Variants in WDR27 observed in about 807,000 individuals in gnomAD.
The protein encoded by WDR27 is WD repeat domain 27.
Under a neutral mutation model 114.4 loss-of-function variants are expected in WDR27, and 100 were observed. That is an observed-to-expected ratio of 0.87 (90% CI 0.74 to 1.03). The LOEUF (loss-of-function observed/expected upper bound fraction) is 1.03, where lower values mean the gene tolerates loss of function less well. WDR27 is among the 50% of genes least tolerant of loss of function. WDR27 has a pLI of 0.00. For synonymous variants in WDR27, 449 were observed against 423.1 expected, an observed-to-expected ratio of 1.06 and a Z score of -0.75; for missense variants, 1,129 against 1,092.9, an observed-to-expected ratio of 1.03 and a Z score of -0.47.
At chr6:169,554,059 C>T (rs144424366) in intron 25 of WDR27, among the ~76,000 whole-genome samples, 42 of 152,278 alleles carry the variant, frequency 2.8e-4, no homozygotes, top group African/African-American at 8.4e-4. Flanking sequence ...GCTACAATTT[C>T]GCATGGACAG....
chr6:169,427,333 C>T, the WDR27 span, among the ~76,000 whole-genome samples: 1 of 152,158 alleles, frequency 6.6e-6, no homozygotes, highest in African/African-American at 2.4e-5. Flanking sequence ...GATGACTGGG[C>T]TGAGAGACAG....
chr6:169,555,398 C>T (rs981702486), intron 25 of WDR27, among the ~76,000 whole-genome samples: 5 of 152,042 alleles, frequency 3.3e-5, no homozygotes, highest in Admixed American at 3.3e-4. Context: ...ACCAGTGCAC[C>T]AGAGAAGGAT....
intron 5 of WDR27, chr6:169,667,421 G>A (rs1417186145): frequency 1.3e-5 from 16 of 1,226,942 alleles, no homozygotes; most frequent in Non-Finnish European, 1.6e-5. Flanking sequence ...TGGATTTGAA[G>A]AATTGGAAAC....
rs1785478828 is a variant in WDR27 at position 169,465,582 on chromosome 6, A to G, written c.2646-7948T>C. 2.0e-5 allele frequency among the ~76,000 whole-genome samples: 3 copies of G among 152,158 alleles called. No individual in the cohort carries two copies. The South Asian group carries it at 6.2e-4, about 32-fold the overall frequency. On this transcript the variant is annotated intron_variant, in intron 25 of 25. Transcript: ENST00000448612. ...GAACTGAACGTAGGGTCTCTAGGAG[A>G]TATTTCTACACTTATGTTTATAGCA...
intron 6 of WDR27, chr6:169,666,840 C>T: frequency 7.1e-6 from 7 of 985,486 alleles, no homozygotes; most frequent in Non-Finnish European, 8.4e-6. Context: ...GAGCAGAAGG[C>T]TCAACTTCCC....
intron 21 of WDR27, among the ~76,000 whole-genome samples, chr6:169,625,772 G>C (rs968788771): frequency 1.3e-5 from 2 of 152,206 alleles, no homozygotes; most frequent in Admixed American, 6.5e-5. Context: ...GGGGCTCTGG[G>C]GGGGATGAGG....
intron 14 of WDR27, among the ~76,000 whole-genome samples, chr6:169,649,790 A>G (rs1419093002): frequency 1.4e-5 from 2 of 143,888 alleles, no homozygotes; most frequent in African/African-American, 5.2e-5. Flanking sequence ...GCACACATCC[A>G]TCTCTCATCT....
intron 15 of WDR27, among the ~76,000 whole-genome samples, 174 bp from the exon 16 acceptor site, chr6:169,648,044 A>T (rs910216430): frequency 3.3e-5 from 5 of 152,216 alleles, no homozygotes; most frequent in African/African-American, 1.2e-4. Flanking sequence ...CAAAATCAGG[A>T]AATAACTCTT....
intron 5 of WDR27, 83 bp downstream of exon 5, chr6:169,667,899 G>T (rs545895923): frequency 2.1e-4 from 289 of 1,352,884 alleles, no homozygotes; most frequent in Admixed American, 3.9e-4. Context: ...CCGTGGCCGT[G>T]AAGCAACCGC....
At chr6:169,465,632 T>C (rs1251902312) in intron 25 of WDR27, among the ~76,000 whole-genome samples, 2 of 152,152 alleles carry the variant, frequency 1.3e-5, no homozygotes, top group African/African-American at 2.4e-5. Flanking sequence ...AGCTAAAACA[T>C]GGAGGCAATC....
chr6:169,634,471 T>G lies in WDR27; in HGVS notation c.2058A>C (p.Ala686=). 6.2e-7 allele frequency: 1 copy of G among 1,613,442 alleles called. No homozygotes were observed. Reference sequence around the variant, plus strand: ...CTGCCGATAAACTGGTCATGTCTACTGCACCCGTCGTGGAGAGCCTGCAAA... The same window carrying G: ...CTGCCGATAAACTGGTCATGTCTACGGCACCCGTCGTGGAGAGCCTGCAAA... The part of the protein sequence containing the change: ...KLICRLSTTG[A]VDMTSLSAVN... Residue 686 remains alanine, a synonymous_variant, in exon 20 of 26, where the codon GCA becomes GCC. Transcript: ENST00000448612.
chr6:169,598,110 ATAGCTAGTGC>A (rs1807208883), intron 23 of WDR27, among the ~76,000 whole-genome samples: 3 of 152,188 alleles, frequency 2.0e-5, no homozygotes, highest in Non-Finnish European at 4.4e-5. Flanking sequence ...CTATTCCATC[ATAGCTAGTGC>A]TGAACCTGAA....
At chr6:169,488,946 C>CTTTT (rs35035417) in intron 25 of WDR27, among the ~76,000 whole-genome samples, 6 of 135,562 alleles carry the variant, frequency 4.4e-5, no homozygotes, top group African/African-American at 1.4e-4. Flanking sequence ...TTGATGCCCC[C>CTTTT]TTTTTTTTTT....
chr6:169,463,047 A>C (rs1043920653), intron 25 of WDR27, among the ~76,000 whole-genome samples: 1 of 152,336 alleles, frequency 6.6e-6, no homozygotes, highest in South Asian at 2.1e-4. Flanking sequence ...AAACAAGCAA[A>C]CAACCAACAA....
intron 25 of WDR27, among the ~76,000 whole-genome samples, chr6:169,496,130 A>G (rs57193325): frequency 0.062 from 9,478 of 152,148 alleles, 814 homozygotes; most frequent in African/African-American, 0.2. Context: ...ATCAATTAAC[A>G]TAGTATACCA....
intron 21 of WDR27, among the ~76,000 whole-genome samples, chr6:169,617,660 G>A (rs1223405554): frequency 1.3e-5 from 2 of 152,330 alleles, no homozygotes; most frequent in Admixed American, 1.3e-4. Context: ...ACAGGCCTGA[G>A]CCACTGTGCC....
chr6:169,658,814 G>A (rs1404955011), intron 12 of WDR27, among the ~76,000 whole-genome samples: 1 of 151,842 alleles, frequency 6.6e-6, no homozygotes, highest in Admixed American at 6.6e-5. Flanking sequence ...CTCCCGACTA[G>A]CTGGGACTAC....
At chr6:169,588,812 A>C (rs1244198123) in intron 23 of WDR27, among the ~76,000 whole-genome samples, 1 of 152,188 alleles carries the variant, frequency 6.6e-6, no homozygotes, top group Non-Finnish European at 1.5e-5. Flanking sequence ...TATTTACAAA[A>C]CACAACTGTT....
At chr6:169,652,208 A>G (rs777625021) in intron 13 of WDR27, among the ~76,000 whole-genome samples, 200 bp from the exon 14 acceptor site, 1 of 152,218 alleles carries the variant, frequency 6.6e-6, no homozygotes, top group Non-Finnish European at 1.5e-5. Flanking sequence ...TTAAAAGGAT[A>G]AGAAAATAGC....
Sources: gnomAD v4.1 joint callset for allele counts (sites outside exome capture counted in the v4.1 genomes callset) on GRCh38, gnomAD v4.1.1 for gene constraint, MANE v1.5 for transcripts, NCBI Gene and HGNC (gene_info 2026-07-23, HGNC 2026-07-21) for gene names.